The following ATP11C variants were observed in gnomAD, a reference collection of about 807,000 sequenced individuals.
ATP11C encodes the protein ATPase phospholipid transporting 11C (ATP11C blood group).
Under a neutral mutation model 97.4 loss-of-function variants are expected in ATP11C, and 36 were observed. That is an observed-to-expected ratio of 0.37 (90% CI 0.28 to 0.49). The LOEUF (loss-of-function observed/expected upper bound fraction) is 0.49. ATP11C is among the 20% of genes least tolerant of loss of function. The probability of loss-of-function intolerance (pLI) is 0.98; values close to 1 mark genes in which losing one functional copy is unlikely to be tolerated. For missense variants in ATP11C, 730 were observed against 824.6 expected (o/e 0.89, Z 1.40); for synonymous variants, 275 against 290.9 (o/e 0.95, Z 0.56).
At chrX:139,837,478 C>T (rs776786220) in intron 1 of ATP11C, among the ~76,000 whole-genome samples, 7 of 112,263 alleles carry the variant, frequency 6.2e-5, no homozygotes, top group Non-Finnish European at 1.1e-4. Context: ...GACTGCAATG[C>T]ATTTCACTCC....
intron 1 of ATP11C, among the ~76,000 whole-genome samples, chrX:139,888,968 C>G (rs1435643046): frequency 1.8e-5 from 2 of 110,817 alleles, no homozygotes; most frequent in African/African-American, 6.6e-5. Flanking sequence ...CCGCCACACA[C>G]AGATAATTTT....
intron 1 of ATP11C, among the ~76,000 whole-genome samples, chrX:139,930,887 T>C (rs1009193222): frequency 2.0e-4 from 22 of 112,622 alleles, no homozygotes; most frequent in African/African-American, 6.4e-4. Context: ...ATGAAAAATG[T>C]TAGCAACGTT....
At chrX:139,882,289 A>G (rs1212021264) in intron 1 of ATP11C, among the ~76,000 whole-genome samples, 1 of 111,999 alleles carries the variant, frequency 8.9e-6, no homozygotes, top group Non-Finnish European at 1.9e-5. Flanking sequence ...GGAAGAAAAA[A>G]CATTTACAGC....
intron 1 of ATP11C, among the ~76,000 whole-genome samples, chrX:139,913,223 A>G (rs2085104119): frequency 8.9e-6 from 1 of 112,059 alleles, no homozygotes; most frequent in Non-Finnish European, 1.9e-5. Flanking sequence ...TGGCAAAGGC[A>G]GTGTTGATTC....
intron 1 of ATP11C, among the ~76,000 whole-genome samples, chrX:139,904,765 G>A (rs1012030736): frequency 1.8e-5 from 2 of 110,683 alleles, no homozygotes; most frequent in African/African-American, 6.6e-5. Flanking sequence ...TGGGGTCCTC[G>A]GGGAGAGAGC....
chrX:139,893,743 A>C (rs1351033146), intron 1 of ATP11C, among the ~76,000 whole-genome samples: 18 of 95,352 alleles, frequency 1.9e-4, no homozygotes, highest in African/African-American at 9.4e-4. Flanking sequence ...ACAAACTACA[A>C]AAAAAAAAAA....
chrX:139,778,804 G>A lies in ATP11C; in HGVS notation c.1952+3743C>T, dbSNP rs181402778. ...GGATTGCGCCGCTGCACTCTAGCCT[G>A]GGCAACAGAGTGAGACTCTGTCTCA... On this transcript the variant is annotated intron_variant, in intron 18 of 29. Coordinates refer to ENST00000682941, the MANE Select transcript of ATP11C (RefSeq NM_001353812.2). Among the ~76,000 whole-genome samples, 86 of 111,434 alleles carry A rather than the reference G, an allele frequency of 7.7e-4. 1 individual carries two copies. The highest frequency in any genetic ancestry group is 1.3e-3 in the Non-Finnish European group (69 of 53,095).
At chrX:139,847,166 C>T (rs1362431285) in intron 1 of ATP11C, among the ~76,000 whole-genome samples, 1 of 111,117 alleles carries the variant, frequency 9.0e-6, no homozygotes, top group East Asian at 2.8e-4. Context: ...AAGCAGATTG[C>T]TTGAGCTCAG....
chrX:139,747,130 C>A (rs1325508018), intron 24 of ATP11C, among the ~76,000 whole-genome samples: 1 of 111,280 alleles, frequency 9.0e-6, no homozygotes, highest in African/African-American at 3.3e-5. Flanking sequence ...TCCCTATAGC[C>A]AGTAAGTCAT....
chrX:139,933,195 C>A (rs2085474462), upstream of ATP11C: 1 of 110,640 alleles, frequency 9.0e-6, no homozygotes, highest in Non-Finnish European at 1.9e-5. Context: ...CGCCTGGTAC[C>A]GCGGGCTGGG....
intron 22 of ATP11C, 140 bp downstream of exon 22, chrX:139,761,821 C>T (rs1460490626): frequency 4.9e-6 from 2 of 409,412 alleles, no homozygotes; most frequent in African/African-American, 5.2e-5. Flanking sequence ...CAATAGACCA[C>T]CTCTGCTTTG....
chrX:139,896,775 T>G (rs1212477652), intron 1 of ATP11C, among the ~76,000 whole-genome samples: 1 of 109,529 alleles, frequency 9.1e-6, no homozygotes, highest in Non-Finnish European at 1.9e-5. Flanking sequence ...CCCGGCTAAT[T>G]TTTTTGTAAT....
intron 5 of ATP11C, among the ~76,000 whole-genome samples, chrX:139,811,077 GAGTA>G: frequency 1.8e-5 from 2 of 111,317 alleles, no homozygotes; most frequent in South Asian, 7.5e-4. Flanking sequence ...TGAAGTACTA[GAGTA>G]TAACTTTTAT....
chrX:139,763,145 G>C (rs1030749938), intron 21 of ATP11C, among the ~76,000 whole-genome samples, 171 bp downstream of exon 21: 1 of 112,107 alleles, frequency 8.9e-6, no homozygotes, highest in Non-Finnish European at 1.9e-5. Flanking sequence ...TAGGACCTTG[G>C]GATGGACATG....
chrX:139,896,782 T>C (rs898507688), intron 1 of ATP11C, among the ~76,000 whole-genome samples: 1 of 109,949 alleles, frequency 9.1e-6, no homozygotes, highest in East Asian at 2.9e-4. Context: ...AATTTTTTTG[T>C]AATTTTAGTA....
intron 1 of ATP11C, among the ~76,000 whole-genome samples, chrX:139,857,891 T>C (rs1283692229): frequency 8.9e-6 from 1 of 112,398 alleles, no homozygotes; most frequent in African/African-American, 3.2e-5. Context: ...AAGTTATGGT[T>C]TGGATATCCC....
intron 23 of ATP11C, among the ~76,000 whole-genome samples, chrX:139,756,747 T>G (rs1488353729): frequency 8.2e-5 from 9 of 110,068 alleles, no homozygotes; most frequent in Admixed American, 6.8e-4. Flanking sequence ...ATATTCTAAC[T>G]TATAAGTGGG....
intron 5 of ATP11C, among the ~76,000 whole-genome samples, chrX:139,807,031 G>C (rs1245918389): frequency 4.5e-5 from 5 of 110,963 alleles, no homozygotes; most frequent in African/African-American, 9.9e-5. Flanking sequence ...GTTACTATGA[G>C]GGGGGAGGAT....
At chrX:139,780,456 T>A (rs1215536848) in intron 18 of ATP11C, among the ~76,000 whole-genome samples, 2 of 109,186 alleles carry the variant, frequency 1.8e-5, no homozygotes, top group Non-Finnish European at 3.8e-5. Context: ...AATTATATGA[T>A]CATCCCAATA....
Sources: allele counts gnomAD v4.1 joint callset (sites outside exome capture counted in the v4.1 genomes callset), GRCh38; gene constraint gnomAD v4.1.1; transcripts MANE v1.5; gene names NCBI Gene and HGNC (gene_info 2026-07-23, HGNC 2026-07-21).